Variants in WNT2B observed in about 807,000 individuals in gnomAD.
WNT2B encodes the protein Wnt family member 2B, also known as protein Wnt-2b.
Under a neutral mutation model 40.5 loss-of-function variants are expected in WNT2B, and 19 were observed. The ratio of observed to expected loss-of-function variants is 0.47; its 90% CI spans 0.33 to 0.69. The LOEUF is 0.69. WNT2B is among the 30% of genes least tolerant of loss of function. The pLI, the probability that WNT2B is intolerant of heterozygous loss-of-function variation, is 0.02. For missense variants in WNT2B, 467 were observed against 556.4 expected, an observed-to-expected ratio of 0.84 and a Z score of 1.62; for synonymous variants, 220 against 211.9, an observed-to-expected ratio of 1.04 and a Z score of -0.33.
intron 1 of WNT2B, among the ~76,000 whole-genome samples, chr1:112,472,527 T>C (rs1474613391): frequency 6.9e-6 from 1 of 145,772 alleles, no homozygotes; most frequent in African/African-American, 2.6e-5. Flanking sequence ...CTAGAATAAA[T>C]GATGCTCTGT....
intron 1 of WNT2B, among the ~76,000 whole-genome samples, chr1:112,485,698 A>G (rs1651394544): frequency 6.6e-6 from 1 of 151,816 alleles, no homozygotes; most frequent in Admixed American, 6.5e-5. Flanking sequence ...GCTTTGATCC[A>G]TACATCACAC....
rs10634267 is a variant in WNT2B at position 112,519,872 on chromosome 1, C to CTTCTTTTTTTTTTTTTTTTTTTTTT, written c.947-406_947-405insCTTTTTTTTTTTTTTTTTTTTTTTT. On this transcript the variant is annotated intron_variant, in intron 4 of 4. Transcript: ENST00000369684. ...CAAGATGATGTCAGAGCCCATGCTTCTTTTTTTTTTTTTTTTTTTTGGAGA... is the reference window on the plus strand; with the variant it reads ...CAAGATGATGTCAGAGCCCATGCTTCTTCTTTTTTTTTTTTTTTTTTTTTTTTTTTTTTTTTTTTTTTTTTGGAGA... Among the ~76,000 whole-genome samples, 2 of 115,650 alleles carry CTTCTTTTTTTTTTTTTTTTTTTTTT rather than the reference C, an allele frequency of 1.7e-5. 1 individual carries two copies. The highest frequency in any genetic ancestry group is 3.6e-5 in the Non-Finnish European group (2 of 56,254). The allele number at this position is 115,650 out of a possible 152,430, so 75.9% of individuals were successfully genotyped here.
chr1:112,504,969 G>C (rs568484191), upstream of WNT2B, among the ~76,000 whole-genome samples: 1 of 152,244 alleles, frequency 6.6e-6, no homozygotes, highest in East Asian at 1.9e-4. Context: ...CCCATCCAAG[G>C]GCCAGCAAAA....
exon 1 of WNT2B, chr1:112,467,343 C>T (rs1650738022): frequency 1.8e-6 from 1 of 554,856 alleles, no homozygotes; most frequent in Admixed American, 3.6e-5. Flanking sequence ...TGAGGAGCAT[C>T]ATGAGCACAG....
chr1:112,469,782 T>C (rs1429834112), intron 1 of WNT2B, among the ~76,000 whole-genome samples: 1 of 152,202 alleles, frequency 6.6e-6, no homozygotes, highest in East Asian at 1.9e-4. Flanking sequence ...CCTGGCTAAT[T>C]TTTGTATTTT....
intron 1 of WNT2B, among the ~76,000 whole-genome samples, chr1:112,514,586 G>A (rs1652461530): frequency 6.6e-6 from 1 of 152,234 alleles, no homozygotes; most frequent in East Asian, 1.9e-4. Context: ...TTCTGTGTAT[G>A]TGACACATGC....
intron 1 of WNT2B, among the ~76,000 whole-genome samples, chr1:112,480,198 C>G (rs1651182051): frequency 6.6e-6 from 1 of 151,862 alleles, no homozygotes; most frequent in Admixed American, 6.6e-5. Context: ...GAAATCCTAT[C>G]TCTACTAAAA....
At chr1:112,488,321 A>AACACACAC (rs572294006) in intron 1 of WNT2B, among the ~76,000 whole-genome samples, 1 of 149,378 alleles carries the variant, frequency 6.7e-6, no homozygotes, top group Non-Finnish European at 1.5e-5. Flanking sequence ...ACAACAACAA[A>AACACACAC]ACACACACAC....
intron 1 of WNT2B, among the ~76,000 whole-genome samples, chr1:112,471,945 T>C (rs1269161072): frequency 6.6e-6 from 1 of 152,238 alleles, no homozygotes; most frequent in Admixed American, 6.5e-5. Context: ...AGCATACATA[T>C]GAAGATGTAA....
intron 1 of WNT2B, among the ~76,000 whole-genome samples, chr1:112,499,392 G>A (rs1357060173): frequency 1.3e-5 from 2 of 152,034 alleles, no homozygotes; most frequent in African/African-American, 4.8e-5. Flanking sequence ...GAACACAGAT[G>A]CAAAAATCCA....
intron 1 of WNT2B, among the ~76,000 whole-genome samples, chr1:112,478,747 C>T (rs1448273973): frequency 6.6e-6 from 1 of 151,972 alleles, no homozygotes; most frequent in East Asian, 1.9e-4. Context: ...ATGGCAAAAC[C>T]TCATCTCCAC....
At chr1:112,516,463 G>T in intron 3 of WNT2B, 46 bp downstream of exon 3, 1 of 1,573,398 alleles carries the variant, frequency 6.4e-7, no homozygotes, top group South Asian at 1.2e-5. Flanking sequence ...TGCTGGGGGT[G>T]ACCAGTGTGT....
chr1:112,484,276 T>TATATATACACATATATATATACAC (rs1425666629), intron 1 of WNT2B, among the ~76,000 whole-genome samples: 3 of 137,542 alleles, frequency 2.2e-5, no homozygotes, highest in African/African-American at 8.2e-5. Flanking sequence ...TATACACATA[T>TATATATACACATATATATATACAC]ATATATATAT....
At chr1:112,499,366 G>C (rs1015938443) in intron 1 of WNT2B, among the ~76,000 whole-genome samples, 1 of 152,076 alleles carries the variant, frequency 6.6e-6, no homozygotes, top group Admixed American at 6.5e-5. Flanking sequence ...TGAAAACTCA[G>C]ACTAATATCT....
rs1424900836 is a variant in WNT2B, at chr1:112,529,595, A to T, written c.*9086A>T. Reference sequence around the variant, plus strand: ...CATCTGTTCTCCCAGAGAAGCTATTATAAGATAGGCATAGAGACAGAAGTC... The same window carrying T: ...CATCTGTTCTCCCAGAGAAGCTATTTTAAGATAGGCATAGAGACAGAAGTC... On this transcript the variant is annotated 3_prime_UTR_variant, in exon 5 of 5. Transcript: ENST00000369684. 1 of 152,176 alleles carries T rather than the reference A, an allele frequency of 6.6e-6. No homozygotes were observed. Among genetic ancestry groups the T allele is most frequent in the Non-Finnish European group, 1.5e-5 (1 of 68,036 alleles). 9.4% of individuals were successfully genotyped at this position (152,176 alleles called of 1,614,324 possible). A position where few individuals can be genotyped will look rare whatever the true frequency, so the allele number is the denominator to read the frequency against.
chr1:112,484,742 GA>G (rs758966099), intron 1 of WNT2B, among the ~76,000 whole-genome samples: 520 of 121,508 alleles, frequency 4.3e-3, no homozygotes, highest in African/African-American at 6.7e-3. Flanking sequence ...ACTCCCTCTT[GA>G]AAAAAAAAAA....
Position 112,508,977 on chromosome 1 carries a change from C to A in WNT2B, c.-286C>A. ...GAAGGGGCTGTCCGCACACTAGGCCCGCAGCTCCCTTCAGCGCCGCAGACC... is the reference window on the plus strand; with the variant it reads ...GAAGGGGCTGTCCGCACACTAGGCCAGCAGCTCCCTTCAGCGCCGCAGACC... On this transcript the variant is annotated 5_prime_UTR_variant, in exon 1 of 5. Transcript: ENST00000369684. The surrounding 1 kb of genome is among the most constrained non-coding windows in gnomAD (Gnocchi z 4.2). 7.8e-7 allele frequency: 1 copy of A among 1,280,180 alleles called. No homozygotes were observed. Among genetic ancestry groups the A allele is most frequent in the Non-Finnish European group, 9.8e-7 (1 of 1,017,884 alleles). 79.3% of individuals were successfully genotyped at this position (1,280,180 alleles called of 1,614,324 possible). A position where few individuals can be genotyped will look rare whatever the true frequency, so the allele number is the denominator to read the frequency against.
chr1:112,512,996 G>A (rs1010900068), intron 1 of WNT2B, among the ~76,000 whole-genome samples: 1 of 152,154 alleles, frequency 6.6e-6, no homozygotes, highest in Non-Finnish European at 1.5e-5. Context: ...CAGCAGAATG[G>A]ATTTAAGTCA....
intron 1 of WNT2B, among the ~76,000 whole-genome samples, chr1:112,490,831 T>C (rs1570773962): frequency 1.3e-5 from 2 of 152,160 alleles, no homozygotes; most frequent in East Asian, 1.9e-4. Flanking sequence ...ATGCCCATTT[T>C]TGTATTTCAA....
Sources: gnomAD v4.1 joint callset for allele counts (sites outside exome capture counted in the v4.1 genomes callset) on GRCh38, gnomAD v4.1.1 for gene constraint, Gnocchi (gnomAD v3.1) non-coding constraint, MANE v1.5 for transcripts, NCBI Gene and HGNC (gene_info 2026-07-23, HGNC 2026-07-21) for gene names.